SYNE1: variants seen among roughly 807,000 people sequenced by gnomAD.
The protein encoded by SYNE1 is nesprin-1.
In SYNE1, 616 loss-of-function variants were observed where a neutral mutation model predicts 1,111.0. The ratio of observed to expected loss-of-function variants is 0.55; its 90% CI spans 0.52 to 0.59. The LOEUF is 0.59. Among genes scored for constraint, SYNE1 ranks in the 20% least tolerant of loss-of-function variants. SYNE1 has a pLI of 0.00. For missense variants in SYNE1, 10,006 were observed against 10,417.0 expected (o/e 0.96, Z 1.72); for synonymous variants, 3,855 against 3,825.8 (o/e 1.01, Z -0.28).
chr6:152,369,537 C>A lies in SYNE1; in HGVS notation c.9585G>T (p.Met3195Ile). The change falls in exon 60 of 146, where the codon ATG (methionine) becomes ATT (isoleucine). Residue 3195 changes from methionine to isoleucine, a missense_variant. Met to Ile is a conservative substitution (Grantham distance 10). Around this residue, in one of 7 missense-constraint regions of SYNE1, gnomAD observed 4,955 missense variants for 5,017.2 expected, o/e 0.99. Transcript: ENST00000367255. The stretch of plus-strand genomic sequence containing the variant: ...AGAGGCGATTGCTGCTTTCATGGAC[C>A]ATCTTCTCAGTTTTACTCAGCCAGT... ...IQDWLSKTEK[M>I]VHESSNRLYD... 6.2e-7 allele frequency: 1 copy of A among 1,614,168 alleles called. No homozygotes were observed. The highest frequency in any genetic ancestry group is 8.5e-7 in the Non-Finnish European group (1 of 1,180,034).
intron 3 of SYNE1, among the ~76,000 whole-genome samples, chr6:152,616,964 G>T (rs1488072679): frequency 6.6e-6 from 1 of 152,150 alleles, no homozygotes; most frequent in Non-Finnish European, 1.5e-5. Context: ...AGCCAGGCTT[G>T]CCGCCTATCC....
chr6:152,127,347 G>A (rs1025526980), intron 145 of SYNE1: 1 of 152,120 alleles, frequency 6.6e-6, no homozygotes, highest in Non-Finnish European at 1.5e-5. Flanking sequence ...ATTCTTGTGA[G>A]GGTTAAATGA....
chr6:152,546,035 C>A (rs1263548126), intron 3 of SYNE1: 3 of 152,046 alleles, frequency 2.0e-5, no homozygotes, highest in Non-Finnish European at 4.4e-5. Context: ...AAGGGGAAAA[C>A]AACAGCAAAG....
chr6:152,205,302 T>C (rs533120880), intron 126 of SYNE1, among the ~76,000 whole-genome samples: 11 of 152,344 alleles, frequency 7.2e-5, no homozygotes, highest in South Asian at 2.1e-4. Flanking sequence ...CTTTTAAAGA[T>C]TGTAATAACA....
At chr6:152,418,683 C>T (rs564725355) in intron 40 of SYNE1, among the ~76,000 whole-genome samples, 2 of 152,246 alleles carry the variant, frequency 1.3e-5, no homozygotes, top group Non-Finnish European at 2.9e-5. Context: ...AAGAGCTTTT[C>T]CTGATGCTCC....
At chr6:152,492,157 T>C (rs1322015437) in intron 11 of SYNE1, among the ~76,000 whole-genome samples, 2 of 152,196 alleles carry the variant, frequency 1.3e-5, no homozygotes, top group East Asian at 1.9e-4. Context: ...AACCCTTAGA[T>C]GCTTTGCCGC....
At position 152,256,749 on chromosome 6, in the gene SYNE1, T is replaced by C; in HGVS notation, c.18989A>G (p.Asn6330Ser). 1 of 1,613,770 alleles carries C rather than the reference T, an allele frequency of 6.2e-7. No homozygotes were observed. Among genetic ancestry groups the C allele is most frequent in the Non-Finnish European group, 8.5e-7 (1 of 1,179,798 alleles). Residue 6330 changes from asparagine (N) to serine (S), a missense_variant, in exon 102 of 146, where the codon AAT becomes AGT. Physicochemically the swap from Asn to Ser is conservative, Grantham distance 46. Transcript: ENST00000367255. ...CAGTGGCACACCAGACAAGAGTCGA[T>C]TTGGCCTGCTATAAAGCTGTAGGCA... The part of the protein sequence containing the change: ...EQEQVLYSRP[N>S]RLLSGVPLYK...
At chr6:152,246,201 C>G (rs556210716) in intron 105 of SYNE1, among the ~76,000 whole-genome samples, 120 of 152,214 alleles carry the variant, frequency 7.9e-4, no homozygotes, top group Non-Finnish European at 1.3e-3. Context: ...GCTGTTTAGT[C>G]CTCCATCCTA....
intron 14 of SYNE1, among the ~76,000 whole-genome samples, chr6:152,473,448 T>G (rs2098817934): frequency 1.3e-5 from 2 of 152,228 alleles, no homozygotes; most frequent in African/African-American, 2.4e-5. Context: ...TGTTCAGGTT[T>G]GTATATGCTT....
intron 46 of SYNE1, among the ~76,000 whole-genome samples, chr6:152,401,800 G>A (rs1226956363): frequency 2.6e-5 from 4 of 152,174 alleles, no homozygotes; most frequent in African/African-American, 9.7e-5. Flanking sequence ...AAAATATTGA[G>A]TGGGGCTAGT....
In SYNE1 at chr6:152,352,226, A is replaced by G; in HGVS notation, c.11381T>C (p.Met3794Thr). Residue 3794 changes from methionine (M) to threonine (T), a missense_variant, in exon 70 of 146, where the codon ATG becomes ACG. Coordinates refer to ENST00000367255, the MANE Select transcript of SYNE1 (RefSeq NM_182961.4). ...GCTGGTCAGTTCCTTCAACTGCTCCATGTGATCATGAATCTCCTTTCTTAA... is the reference window on the plus strand; with the variant it reads ...GCTGGTCAGTTCCTTCAACTGCTCCGTGTGATCATGAATCTCCTTTCTTAA... ...ERLRKEIHDH[M>T]EQLKELTSTV... The G allele has an allele frequency of 6.2e-7, 1 of 1,614,126 alleles. No homozygotes were observed. The highest frequency in any genetic ancestry group is 8.5e-7 in the Non-Finnish European group (1 of 1,180,014).
rs369658770 is a variant in SYNE1, at chr6:152,491,856, TC to T, written c.940-3354del. On this transcript the variant is annotated intron_variant, in intron 11 of 145. Coordinates refer to ENST00000367255, the MANE Select transcript of SYNE1 (RefSeq NM_182961.4). ...ACCTCTCCCCTCCTCACCAGGCTGCTCCTCACCAGGCTGAGCCAGGTCCTAA... is the reference window on the plus strand; with the variant it reads ...ACCTCTCCCCTCCTCACCAGGCTGCTCTCACCAGGCTGAGCCAGGTCCTAA... Among the ~76,000 whole-genome samples the T allele has an allele frequency of 2.1e-3, 319 of 152,054 alleles. 1 individual carries two copies. Among genetic ancestry groups the T allele is most frequent in the African/African-American group, 6.5e-3 (271 of 41,444 alleles).
chr6:152,496,243 G>T (rs1443203248), intron 11 of SYNE1, among the ~76,000 whole-genome samples: 1 of 151,842 alleles, frequency 6.6e-6, no homozygotes, highest in Non-Finnish European at 1.5e-5. Flanking sequence ...AATAGGCCTC[G>T]ACTTACTGCT....
intron 20 of SYNE1, chr6:152,462,448 C>T (rs1172412046): frequency 4.1e-5 from 21 of 515,368 alleles, no homozygotes; most frequent in African/African-American, 7.8e-5. Flanking sequence ...TATTTAGGTG[C>T]GGGTGCTATC....
At chr6:152,401,381 C>A in intron 46 of SYNE1, 40 bp from the exon 47 acceptor site, 1 of 1,573,570 alleles carries the variant, frequency 6.4e-7, no homozygotes, top group South Asian at 1.1e-5. Context: ...CTCTGAAGAC[C>A]AGAAGAATAC....
At position 152,334,158 on chromosome 6, in the gene SYNE1, T is replaced by C. The variant is rs2096320875; in HGVS notation, c.12644A>G (p.Asn4215Ser). ...ACGGCACAAATCGAGCCACTGATCA[T>C]TTAAATGATTTATTTCCTTGTGTTC... ...SPEHKEINHL[N>S]DQWLDLCRQS... The change falls in exon 77 of 146, where the codon AAT becomes AGT. Residue 4215 changes from asparagine to serine, a missense_variant. Physicochemically the swap from Asn to Ser is conservative, Grantham distance 46. This residue lies in a region of SYNE1 where 4,955 missense variants were observed against 5,017.2 expected (regional missense o/e 0.99). Transcript: ENST00000367255. The C allele has an allele frequency of 6.2e-7, 1 of 1,614,186 alleles. No homozygotes were observed. Among genetic ancestry groups the C allele is most frequent in the Non-Finnish European group, 8.5e-7 (1 of 1,180,032 alleles).
intron 111 of SYNE1, 125 bp downstream of exon 111, chr6:152,234,543 T>C: frequency 9.1e-7 from 1 of 1,094,760 alleles, no homozygotes; most frequent in Non-Finnish European, 1.4e-6. Context: ...TCTGACTGCT[T>C]GGCCTCCCAA....
intron 127 of SYNE1, among the ~76,000 whole-genome samples, chr6:152,197,592 C>T (rs1017508609): frequency 1.3e-5 from 2 of 152,182 alleles, no homozygotes; most frequent in Non-Finnish European, 2.9e-5. Context: ...TGTACATCTC[C>T]ATCTCCATCA....
chr6:152,375,965 T>A (rs2097273112), intron 58 of SYNE1: 1 of 179,194 alleles, frequency 5.6e-6, no homozygotes, highest in Non-Finnish European at 1.2e-5. Context: ...TCTGAAAAGA[T>A]CTAGAGAAGC....
Sources: allele counts gnomAD v4.1 joint callset (sites outside exome capture counted in the v4.1 genomes callset), GRCh38; gene constraint gnomAD v4.1.1; regional missense constraint gnomAD v4.1.1; transcripts MANE v1.5; gene names NCBI Gene and HGNC (gene_info 2026-07-23, HGNC 2026-07-21).